Variants in XIRP2 observed in about 807,000 individuals in gnomAD.
XIRP2 encodes xin actin-binding repeat-containing protein 2.
Under a neutral mutation model 277.0 loss-of-function variants are expected in XIRP2, and 236 were observed. The ratio of observed to expected loss-of-function variants is 0.85; its 90% confidence interval spans 0.77 to 0.95. The LOEUF (loss-of-function observed/expected upper bound fraction) is 0.95, where lower values mean the gene tolerates loss of function less well. Among genes scored for constraint, XIRP2 ranks in the 40% least tolerant of loss-of-function variants. The pLI, the probability that XIRP2 is intolerant of heterozygous loss-of-function variation, is 0.00. For synonymous variants in XIRP2, 1,490 were observed against 1,416.5 expected (o/e 1.05, Z -1.17); for missense variants, 4,640 against 4,157.5 (o/e 1.12, Z -3.19).
intron 2 of XIRP2, among the ~76,000 whole-genome samples, chr2:166,965,460 A>C (rs1686405777): frequency 2.6e-5 from 4 of 151,942 alleles, no homozygotes; most frequent in Non-Finnish European, 5.9e-5. Context: ...ATAGGTGATC[A>C]TGAATGAGCC....
chr2:167,097,462 G>A (rs1023563270), intron 2 of XIRP2, among the ~76,000 whole-genome samples: 4 of 152,024 alleles, frequency 2.6e-5, no homozygotes, highest in Non-Finnish European at 5.9e-5. Context: ...CACATGAGAT[G>A]GGTCTCCTGA....
chr2:167,099,319 C>A (rs932444304), intron 2 of XIRP2, among the ~76,000 whole-genome samples: 7 of 152,160 alleles, frequency 4.6e-5, no homozygotes, highest in African/African-American at 1.7e-4. Flanking sequence ...GGGAAAACTG[C>A]CTACTCAAGC....
chr2:167,016,904 T>G (rs950235672), intron 2 of XIRP2, among the ~76,000 whole-genome samples: 1 of 151,926 alleles, frequency 6.6e-6, no homozygotes, highest in Admixed American at 6.6e-5. Flanking sequence ...AAGAACTTAG[T>G]TCTTATATCA....
At chr2:167,189,584 G>T (rs536429977) in intron 3 of XIRP2, among the ~76,000 whole-genome samples, 9 of 152,176 alleles carry the variant, frequency 5.9e-5, no homozygotes, top group South Asian at 4.2e-4. Context: ...CACATAACAG[G>T]TTCATCCCTC....
chr2:167,212,548 A>G (rs561472047), intron 4 of XIRP2, among the ~76,000 whole-genome samples: 2 of 152,292 alleles, frequency 1.3e-5, no homozygotes, highest in South Asian at 4.1e-4. Flanking sequence ...ATGTCTACAT[A>G]TAAAGAATTT....
rs370711918 is a variant in XIRP2, at chr2:167,058,021, A to ATTATTTTATTTTATTTTATTTTATT, written c.409-77855_409-77831dup. Among the ~76,000 whole-genome samples, 6 of 136,842 alleles carry ATTATTTTATTTTATTTTATTTTATT rather than the reference A, an allele frequency of 4.4e-5. No homozygotes were observed. In the East Asian group the frequency reaches 1.1e-3, roughly 25 times the overall value. 89.8% of individuals were successfully genotyped at this position (136,842 alleles called of 152,430 possible). ...TATGCATGTTTTATTTTATTTTATA[A>ATTATTTTATTTTATTTTATTTTATT]TTATTTTATTTTATTTTATTTTATT... On this transcript the variant is annotated intron_variant, in intron 2 of 10. Coordinates refer to ENST00000409195, the MANE Select transcript of XIRP2 (RefSeq NM_152381.6).
At position 167,238,041 on chromosome 2, in the gene XIRP2, T is replaced by C. The variant is rs1462460307; in HGVS notation, c.859-1814T>C. Among the ~76,000 whole-genome samples, 4 of 152,210 alleles carry C rather than the reference T, an allele frequency of 2.6e-5. No individual in the cohort carries two copies. In the East Asian group the frequency reaches 7.7e-4, roughly 29 times the overall value. ...GATTCTTTGAACTTGAAGGAATGAA[T>C]ATGGATCCTTCTCAAGAAACTAAAG... is the stretch of plus-strand genomic sequence containing the variant. On this transcript the variant is annotated intron_variant, in intron 5 of 10. Coordinates refer to ENST00000409195, the MANE Select transcript of XIRP2 (RefSeq NM_152381.6).
intron 2 of XIRP2, among the ~76,000 whole-genome samples, chr2:167,131,829 C>T (rs1329254257): frequency 6.6e-6 from 1 of 152,152 alleles, no homozygotes; most frequent in Non-Finnish European, 1.5e-5. Flanking sequence ...AGCTCCAGGG[C>T]TACACATCCA....
chr2:167,051,925 G>A (rs1352012433), intron 2 of XIRP2, among the ~76,000 whole-genome samples: 1 of 152,010 alleles, frequency 6.6e-6, no homozygotes, highest in Non-Finnish European at 1.5e-5. Flanking sequence ...TTCTTGAAAA[G>A]TTCCTATAGC....
In XIRP2 at chr2:167,245,701, C is replaced by T. The variant is rs200163924; in HGVS notation, c.4309C>T (p.Arg1437Ter). The T allele has an allele frequency of 2.2e-4, 350 of 1,613,446 alleles. No individual in the cohort carries two copies. In the East Asian group the frequency reaches 2.3e-3, roughly 10 times the overall value. ...AAATTTTGATAAGAATAACTATATA[C>T]GAACAGTAAGTGTCAATGAAATACA... is the stretch of plus-strand genomic sequence containing the variant. ...SENFDKNNYIRTVSVNEIQKG... is the reference protein window; with the variant it reads ...SENFDKNNYI The change falls in exon 9 of 11, where the codon CGA (arginine) becomes TGA (stop). Residue 1437 changes from arginine to a stop codon, truncating the protein, a stop_gained. Coordinates refer to ENST00000409195, the MANE Select transcript of XIRP2 (RefSeq NM_152381.6). LOFTEE classifies it high-confidence loss of function.
chr2:167,236,044 A>G (rs1225068313), intron 5 of XIRP2, among the ~76,000 whole-genome samples: 1 of 151,936 alleles, frequency 6.6e-6, no homozygotes, highest in African/African-American at 2.4e-5. Context: ...AGATGTAAAT[A>G]ACATTAATAT....
intron 2 of XIRP2, among the ~76,000 whole-genome samples, chr2:167,030,762 G>A (rs139353532): frequency 2.3e-3 from 351 of 150,762 alleles, no homozygotes; most frequent in Middle Eastern, 0.014. Flanking sequence ...TCCTGAATAC[G>A]GTGATCTGTC....
At chr2:167,039,060 A>G (rs987095232) in intron 2 of XIRP2, among the ~76,000 whole-genome samples, 2 of 152,148 alleles carry the variant, frequency 1.3e-5, no homozygotes, top group African/African-American at 4.8e-5. Flanking sequence ...TGCTTTCCCA[A>G]GAACGATTTG....
intron 2 of XIRP2, among the ~76,000 whole-genome samples, chr2:167,118,352 T>C (rs1690953884): frequency 6.6e-6 from 1 of 151,814 alleles, no homozygotes; most frequent in African/African-American, 2.4e-5. Flanking sequence ...CGTGGTGGCA[T>C]ACGCCTGTAA....
At chr2:166,893,932 A>T (rs1156840885) in intron 1 of XIRP2, among the ~76,000 whole-genome samples, 1 of 152,176 alleles carries the variant, frequency 6.6e-6, no homozygotes, top group Non-Finnish European at 1.5e-5. Flanking sequence ...ACCATATGAG[A>T]CTATTTACAA....
rs760135080 is a variant in XIRP2, at chr2:167,246,042, G to T, written c.4650G>T (p.Lys1550Asn). 6.8e-6 allele frequency: 11 copies of T among 1,613,422 alleles called. No homozygotes were observed. In the East Asian group the frequency reaches 2.5e-4, roughly 36 times the overall value. The change falls in exon 9 of 11, where the codon AAG (lysine) becomes AAT (asparagine). Residue 1550 changes from lysine to asparagine, a missense_variant. Physicochemically the swap from Lys to Asn is moderately conservative, Grantham distance 94. Coordinates refer to ENST00000409195, the MANE Select transcript of XIRP2 (RefSeq NM_152381.6). ...TRVEKIEIIG[K>N]SIKETLEDLY... ...TAGAAAAGATAGAAATTATTGGCAA[G>T]AGCATTAAAGAAACCTTAGAAGATC...
chr2:167,246,049 A>C lies in XIRP2; in HGVS notation c.4657A>C (p.Lys1553Gln). ...GATAGAAATTATTGGCAAGAGCATT[A>C]AAGAAACCTTAGAAGATCTCTACTC... ...EKIEIIGKSI[K>Q]ETLEDLYSQK... The change falls in exon 9 of 11, where the codon AAA (lysine) becomes CAA (glutamine). Residue 1553 changes from lysine to glutamine, a missense_variant. Coordinates refer to ENST00000409195, the MANE Select transcript of XIRP2 (RefSeq NM_152381.6). 1.9e-6 allele frequency: 3 copies of C among 1,613,594 alleles called. No homozygotes were observed. The highest frequency in any genetic ancestry group is 1.7e-6 in the Non-Finnish European group (2 of 1,179,764).
chr2:167,098,813 T>A (rs1403222710), intron 2 of XIRP2, among the ~76,000 whole-genome samples: 1 of 152,222 alleles, frequency 6.6e-6, no homozygotes, highest in Non-Finnish European at 1.5e-5. Context: ...CTTCTGCAGA[T>A]CTGCTGGAGT....
At chr2:166,957,625 T>C (rs927168606) in intron 2 of XIRP2, among the ~76,000 whole-genome samples, 4 of 151,776 alleles carry the variant, frequency 2.6e-5, no homozygotes, top group African/African-American at 9.7e-5. Flanking sequence ...AAAGCAATTA[T>C]ACTCCCTAAA....
Sources: allele counts gnomAD v4.1 joint callset (sites outside exome capture counted in the v4.1 genomes callset), GRCh38; gene constraint gnomAD v4.1.1; transcripts MANE v1.5; gene names NCBI Gene and HGNC (gene_info 2026-07-23, HGNC 2026-07-21).